ARHGAP24: variants seen among roughly 807,000 people sequenced by gnomAD.
The protein encoded by ARHGAP24 is rho GTPase-activating protein 24.
In ARHGAP24, 50 loss-of-function variants were observed where a neutral mutation model predicts 76.4. The observed-to-expected ratio is 0.65, with a 90% CI of 0.52 to 0.83. The LOEUF (loss-of-function observed/expected upper bound fraction) is 0.83. Ranked by LOEUF, ARHGAP24 falls within the 40% of genes least tolerant of loss-of-function variation. ARHGAP24 has a pLI of 0.00. For missense variants in ARHGAP24, 930 were observed against 914.2 expected, an observed-to-expected ratio of 1.02 and a Z score of -0.22; for synonymous variants, 345 against 323.3, an observed-to-expected ratio of 1.07 and a Z score of -0.72.
chr4:85,572,299 G>A (rs188197631), intron 2 of ARHGAP24, among the ~76,000 whole-genome samples: 65 of 152,230 alleles, frequency 4.3e-4, no homozygotes, highest in African/African-American at 1.4e-3. Context: ...TGGGGATTTC[G>A]TTACGGAGGA....
chr4:85,603,757 A>T (rs531624360), intron 2 of ARHGAP24, among the ~76,000 whole-genome samples: 2 of 152,350 alleles, frequency 1.3e-5, no homozygotes, highest in East Asian at 3.9e-4. Flanking sequence ...CGCTAGTGAT[A>T]CATTTATGAG....
chr4:85,693,877 C>T (rs1337229546), intron 2 of ARHGAP24, among the ~76,000 whole-genome samples: 1 of 152,170 alleles, frequency 6.6e-6, no homozygotes, highest in Non-Finnish European at 1.5e-5. Context: ...CCTGCTGAAG[C>T]CCTGTCTCTG....
At chr4:85,731,745 A>G (rs1483643463) in intron 3 of ARHGAP24, among the ~76,000 whole-genome samples, 1 of 152,228 alleles carries the variant, frequency 6.6e-6, no homozygotes, top group Admixed American at 6.5e-5. Context: ...GATGGAGGAT[A>G]TTGAATGTTC....
At chr4:85,675,337 T>G (rs946176313) in intron 2 of ARHGAP24, among the ~76,000 whole-genome samples, 1 of 152,240 alleles carries the variant, frequency 6.6e-6, no homozygotes, top group African/African-American at 2.4e-5. Flanking sequence ...TTTCTAGTCC[T>G]CTATGAATGT....
chr4:85,733,512 C>G (rs2110054324), intron 3 of ARHGAP24, among the ~76,000 whole-genome samples: 1 of 152,248 alleles, frequency 6.6e-6, no homozygotes, highest in Non-Finnish European at 1.5e-5. Context: ...GTGCCTTTCA[C>G]AAGAAAGGGG....
At chr4:85,929,408 G>A (rs973122313) in intron 4 of ARHGAP24, among the ~76,000 whole-genome samples, 1 of 152,178 alleles carries the variant, frequency 6.6e-6, no homozygotes, top group Admixed American at 6.5e-5. Flanking sequence ...TGGCTGGGAA[G>A]GAACACAGAG....
intron 4 of ARHGAP24, among the ~76,000 whole-genome samples, chr4:85,934,443 C>A (rs558425473): frequency 5.9e-5 from 9 of 152,298 alleles, no homozygotes; most frequent in African/African-American, 1.7e-4. Context: ...ACTCTAATTT[C>A]TTCAGCAAGC....
intron 1 of ARHGAP24, among the ~76,000 whole-genome samples, chr4:85,505,782 C>T (rs137944062): frequency 1.4e-3 from 208 of 152,162 alleles, no homozygotes; most frequent in East Asian, 8.7e-3. Flanking sequence ...TGAGGAGCTG[C>T]GATCCTTTGA....
intron 5 of ARHGAP24, among the ~76,000 whole-genome samples, chr4:85,959,912 G>A (rs745314452): frequency 3.9e-5 from 6 of 152,098 alleles, no homozygotes; most frequent in African/African-American, 7.2e-5. Flanking sequence ...GACTAGTGAT[G>A]TTCAACCTTT....
At chr4:85,964,233 T>C (rs1738435620) in intron 5 of ARHGAP24, among the ~76,000 whole-genome samples, 1 of 152,108 alleles carries the variant, frequency 6.6e-6, no homozygotes, top group African/African-American at 2.4e-5. Flanking sequence ...GACAGTCAAA[T>C]TTAGTTTGAC....
At chr4:85,517,802 T>C (rs1724573606) in intron 1 of ARHGAP24, among the ~76,000 whole-genome samples, 1 of 152,162 alleles carries the variant, frequency 6.6e-6, no homozygotes, top group African/African-American at 2.4e-5. Flanking sequence ...ATTATTTCAG[T>C]AGTCATTTCT....
intron 3 of ARHGAP24, among the ~76,000 whole-genome samples, chr4:85,849,559 A>G (rs1413788825): frequency 6.6e-6 from 1 of 152,206 alleles, no homozygotes; most frequent in African/African-American, 2.4e-5. Context: ...GTTTTTGCCC[A>G]TTCAGTATGA....
At chr4:85,864,196 C>G (rs1237489038) in intron 3 of ARHGAP24, among the ~76,000 whole-genome samples, 1 of 152,004 alleles carries the variant, frequency 6.6e-6, no homozygotes, top group East Asian at 1.9e-4. Flanking sequence ...AGCTTTCAGG[C>G]TGCTCTTTGT....
intron 1 of ARHGAP24, among the ~76,000 whole-genome samples, chr4:85,486,864 T>G (rs1310563521): frequency 6.6e-6 from 1 of 151,978 alleles, no homozygotes; most frequent in Non-Finnish European, 1.5e-5. Context: ...AGATTAACAG[T>G]GCTGTACAAT....
intron 2 of ARHGAP24, among the ~76,000 whole-genome samples, chr4:85,582,787 A>T (rs911130382): frequency 4.6e-5 from 7 of 152,192 alleles, no homozygotes; most frequent in African/African-American, 1.7e-4. Flanking sequence ...GTCTGAATTG[A>T]AAAGTTTCAA....
chr4:85,975,059 G>T, intron 7 of ARHGAP24, 98 bp downstream of exon 7: 5 of 1,071,560 alleles, frequency 4.7e-6, no homozygotes, highest in Non-Finnish European at 5.7e-6. Flanking sequence ...CAACTACTTC[G>T]AGCCCTAGTG....
chr4:85,663,709 T>C (rs1722497376), intron 2 of ARHGAP24, among the ~76,000 whole-genome samples: 1 of 151,892 alleles, frequency 6.6e-6, no homozygotes. Context: ...ATCTAATTTA[T>C]TGAGAGTTTT....
chr4:85,511,789 G>C (rs1318642572), intron 1 of ARHGAP24, among the ~76,000 whole-genome samples: 1 of 152,168 alleles, frequency 6.6e-6, no homozygotes, highest in African/African-American at 2.4e-5. Flanking sequence ...AATGGTTTTG[G>C]AGGTTAGAAG....
chr4:85,512,746 C>A (rs1177704930), intron 1 of ARHGAP24, among the ~76,000 whole-genome samples: 1 of 152,112 alleles, frequency 6.6e-6, no homozygotes, highest in Non-Finnish European at 1.5e-5. Context: ...TTACATGTAA[C>A]AAATGCAAAT....
Sources: gnomAD v4.1 joint callset for allele counts (sites outside exome capture counted in the v4.1 genomes callset) on GRCh38, gnomAD v4.1.1 for gene constraint, MANE v1.5 for transcripts, NCBI Gene and HGNC (gene_info 2026-07-23, HGNC 2026-07-21) for gene names.